Variants in TENM3 observed in about 807,000 individuals in gnomAD.
TENM3 encodes teneurin transmembrane protein 3.
A neutral mutation model predicts 255.1 loss-of-function variants in TENM3; 63 were observed. That is an observed-to-expected ratio of 0.25 (90% CI 0.20 to 0.30). The LOEUF (loss-of-function observed/expected upper bound fraction) is 0.30. Among genes scored for constraint, TENM3 ranks in the 10% least tolerant of loss-of-function variants. TENM3 has a pLI of 1.00. For missense variants in TENM3, 2,929 were observed against 3,461.1 expected (o/e 0.85, Z 3.86); for synonymous variants, 1,306 against 1,322.3 (o/e 0.99, Z 0.27).
chr4:182,706,239 T>C (rs749198826), intron 12 of TENM3, among the ~76,000 whole-genome samples: 5 of 152,222 alleles, frequency 3.3e-5, no homozygotes, highest in African/African-American at 1.2e-4. Context: ...TGGAACTTTG[T>C]CTTTGCCACT....
the TENM3 span, among the ~76,000 whole-genome samples, chr4:181,662,127 G>T: frequency 1.3e-5 from 2 of 152,262 alleles, no homozygotes; most frequent in East Asian, 3.9e-4. Flanking sequence ...TTCCCTGGCT[G>T]TGTTTGTTAG....
At chr4:181,659,434 AC>A in the TENM3 span, among the ~76,000 whole-genome samples, 3 of 152,078 alleles carry the variant, frequency 2.0e-5, no homozygotes, top group Admixed American at 1.3e-4. Context: ...TTGAATCATG[AC>A]CCTTTCCGGT....
intron 3 of TENM3, among the ~76,000 whole-genome samples, chr4:182,464,337 A>T (rs1359892809): frequency 6.6e-6 from 1 of 152,012 alleles, no homozygotes; most frequent in African/African-American, 2.4e-5. Flanking sequence ...GCTCACTGCA[A>T]CCTCCGCCTC....
chr4:182,718,800 TA>T (rs1392147529), intron 13 of TENM3, among the ~76,000 whole-genome samples: 9 of 152,202 alleles, frequency 5.9e-5, no homozygotes, highest in Non-Finnish European at 8.8e-5. Flanking sequence ...TCATTGCTTT[TA>T]TTTAGCCTGC....
intron 12 of TENM3, among the ~76,000 whole-genome samples, chr4:182,702,335 A>T (rs962618227): frequency 2.0e-5 from 3 of 152,208 alleles, no homozygotes; most frequent in Admixed American, 2.0e-4. Flanking sequence ...GGGGAGGCAG[A>T]GTACAAGGGG....
chr4:182,264,065 C>G (rs1026231407), intron 1 of TENM3, among the ~76,000 whole-genome samples: 2 of 152,190 alleles, frequency 1.3e-5, no homozygotes, highest in Non-Finnish European at 2.9e-5. Flanking sequence ...GAATTCTTTA[C>G]CAGTCAGATT....
At chr4:182,112,697 G>A in the TENM3 span, among the ~76,000 whole-genome samples, 6 of 152,106 alleles carry the variant, frequency 3.9e-5, no homozygotes, top group Non-Finnish European at 7.4e-5. Context: ...TATAAAAACC[G>A]TATACAAAGT....
chr4:182,494,746 T>C (rs945295969), intron 3 of TENM3, among the ~76,000 whole-genome samples: 9 of 152,184 alleles, frequency 5.9e-5, no homozygotes, highest in Non-Finnish European at 1.3e-4. Flanking sequence ...ATTGAATATA[T>C]TATATTTGTG....
the TENM3 span, among the ~76,000 whole-genome samples, chr4:181,984,513 T>C: frequency 5.9e-5 from 9 of 152,174 alleles, no homozygotes; most frequent in Middle Eastern, 3.4e-3. Context: ...CTGCTTTGAA[T>C]CATGCATTCA....
At chr4:182,584,607 A>G (rs952875557) in intron 3 of TENM3, among the ~76,000 whole-genome samples, 13 of 152,138 alleles carry the variant, frequency 8.5e-5, no homozygotes, top group Non-Finnish European at 1.8e-4. Context: ...TGATATTAAT[A>G]GATATTTTGG....
intron 3 of TENM3, among the ~76,000 whole-genome samples, chr4:182,564,743 A>G (rs1743593427): frequency 6.6e-6 from 1 of 152,160 alleles, no homozygotes; most frequent in Admixed American, 6.5e-5. Flanking sequence ...GAAAGGCATC[A>G]ATACGTGTCC....
chr4:182,370,526 G>A (rs1180291374), intron 3 of TENM3, among the ~76,000 whole-genome samples: 5 of 152,112 alleles, frequency 3.3e-5, no homozygotes, highest in South Asian at 4.2e-4. Context: ...AAGATAAGTC[G>A]GTTTTAACAA....
the TENM3 span, chr4:181,975,801 C>A: frequency 6.6e-6 from 1 of 152,120 alleles, no homozygotes; most frequent in South Asian, 2.1e-4. Flanking sequence ...GAATGTAAGA[C>A]AGAAATGGAG....
chr4:182,522,144 G>A (rs1428016085), intron 3 of TENM3, among the ~76,000 whole-genome samples: 1 of 152,132 alleles, frequency 6.6e-6, no homozygotes, highest in Non-Finnish European at 1.5e-5. Flanking sequence ...GGGTAATTGG[G>A]ATATCCAGCA....
chr4:181,788,844 C>T, the TENM3 span, among the ~76,000 whole-genome samples: 3 of 152,282 alleles, frequency 2.0e-5, no homozygotes, highest in South Asian at 4.1e-4. Context: ...GCAATCCCTC[C>T]GTCTCAGCTT....
chr4:182,487,113 G>A (rs563472761), intron 3 of TENM3, among the ~76,000 whole-genome samples: 16 of 152,242 alleles, frequency 1.1e-4, no homozygotes, highest in African/African-American at 2.6e-4. Flanking sequence ...ATTCTTGCAC[G>A]TGGTTTCTAG....
chr4:182,606,104 AC>A (rs1459049265), intron 4 of TENM3, among the ~76,000 whole-genome samples: 1 of 152,160 alleles, frequency 6.6e-6, no homozygotes, highest in Admixed American at 6.5e-5. Flanking sequence ...ACTTTTATTG[AC>A]CCCCTTCGCA....
the TENM3 span, among the ~76,000 whole-genome samples, chr4:182,084,347 A>C: frequency 6.6e-6 from 1 of 152,184 alleles, no homozygotes; most frequent in African/African-American, 2.4e-5. Flanking sequence ...TGTTGACATC[A>C]CTTTACACCA....
the TENM3 span, among the ~76,000 whole-genome samples, chr4:182,109,980 A>T: frequency 3.9e-5 from 6 of 152,020 alleles, no homozygotes; most frequent in Admixed American, 1.3e-4. Context: ...ATAAAATGTG[A>T]CATAAAAATT....
Sources: gnomAD v4.1 joint callset for allele counts (sites outside exome capture counted in the v4.1 genomes callset) on GRCh38, gnomAD v4.1.1 for gene constraint, MANE v1.5 for transcripts, NCBI Gene and HGNC (gene_info 2026-07-23, HGNC 2026-07-21) for gene names.